Variants in UGT1A5 observed in about 807,000 individuals in gnomAD.
The protein encoded by UGT1A5 is UDP glucuronosyltransferase family 1 member A5.
A neutral mutation model predicts 40.3 loss-of-function variants in UGT1A5; 29 were observed. That is an observed-to-expected ratio of 0.72 (90% CI 0.54 to 0.98). The LOEUF is 0.98. Ranked by LOEUF, UGT1A5 falls within the 50% of genes least tolerant of loss-of-function variation. UGT1A5 has a pLI of 0.00. For missense variants in UGT1A5, 678 were observed against 677.9 expected (o/e 1.00, Z 0.00); for synonymous variants, 257 against 262.5 (o/e 0.98, Z 0.20).
chr2:233,757,129 T>C (rs1190338249), intron 1 of UGT1A5, among the ~76,000 whole-genome samples: 1 of 150,874 alleles, frequency 6.6e-6, no homozygotes, highest in Non-Finnish European at 1.5e-5. Context: ...AGAGGAGGAA[T>C]GAGCTTGGAC....
In UGT1A5 at chr2:233,754,904, A is replaced by C. The variant is rs113535606; in HGVS notation, c.868-12130A>C. On this transcript the variant is annotated intron_variant, in intron 1 of 4. Coordinates refer to ENST00000373414, the MANE Select transcript of UGT1A5 (RefSeq NM_019078.2). ...CCAGGGAGTTCCTCTGACCCCCCAA[A>C]ATATTCTCCAGCGGGTTTCCCAAGA... 1.2e-5 allele frequency: 16 copies of C among 1,351,372 alleles called. No homozygotes were observed. In the African/African-American group the frequency reaches 1.3e-4, roughly 11 times the overall value. The allele number at this position is 1,351,372 out of a possible 1,614,324, so 83.7% of individuals were successfully genotyped here. A position where few individuals can be genotyped will look rare whatever the true frequency, so the allele number is the denominator to read the frequency against.
rs556044106 is a variant in UGT1A5, at chr2:233,743,839, C to T, written c.868-23195C>T. ...TTTTGTCGGGGTGCCACTTGAGCGC[C>T]AGCTTGCGGTACGCCTTCTTGATGG... On this transcript the variant is annotated intron_variant, in intron 1 of 4. Coordinates refer to ENST00000373414, the MANE Select transcript of UGT1A5 (RefSeq NM_019078.2). 3 of 1,367,286 alleles carry T rather than the reference C, an allele frequency of 2.2e-6. No individual in the cohort carries two copies. In the South Asian group the frequency reaches 3.4e-5, roughly 16 times the overall value. 84.7% of individuals were successfully genotyped at this position (1,367,286 alleles called of 1,614,324 possible).
chr2:233,747,263 T>C (rs1693601928), intron 1 of UGT1A5: 3 of 1,599,140 alleles, frequency 1.9e-6, no homozygotes, highest in East Asian at 2.2e-5. Context: ...ACAGGAGTGC[T>C]ACTCCTTCTC....
At chr2:233,737,210 G>A (rs2078852956) in intron 1 of UGT1A5, among the ~76,000 whole-genome samples, 1 of 152,244 alleles carries the variant, frequency 6.6e-6, no homozygotes, top group South Asian at 2.1e-4. Context: ...GGTGGACTCT[G>A]TTCAGTTCCA....
intron 1 of UGT1A5, among the ~76,000 whole-genome samples, chr2:233,720,702 T>C (rs983825744): frequency 6.7e-6 from 1 of 150,354 alleles, no homozygotes; most frequent in African/African-American, 2.5e-5. Flanking sequence ...AAGGGAGCCA[T>C]CCTTTTTTTT....
chr2:233,723,731 T>A lies in UGT1A5; in HGVS notation c.867+9873T>A, dbSNP rs1266221554. ...CTTGAGATTAGGGATTGGTGATGAC[T>A]CTTAACGAGCATGCTGCCTTCAAGC... On this transcript the variant is annotated intron_variant, in intron 1 of 4. Coordinates refer to ENST00000373414, the MANE Select transcript of UGT1A5 (RefSeq NM_019078.2). Among the ~76,000 whole-genome samples, 3 of 78,960 alleles carry A rather than the reference T, an allele frequency of 3.8e-5. 1 individual carries two copies. The highest frequency in any genetic ancestry group is 6.7e-5 in the Non-Finnish European group (3 of 44,612). The allele number at this position is 78,960 out of a possible 152,430, so 51.8% of individuals were successfully genotyped here. A position where few individuals can be genotyped will look rare whatever the true frequency, so the allele number is the denominator to read the frequency against.
At chr2:233,760,220 G>A (rs1697349973) in intron 1 of UGT1A5, 6 of 1,593,686 alleles carry the variant, frequency 3.8e-6, no homozygotes, top group African/African-American at 1.4e-5. Flanking sequence ...TTGGTGTATC[G>A]ATTGGTTTTT....
intron 4 of UGT1A5, chr2:233,770,377 G>C (rs1211488828): frequency 6.6e-6 from 1 of 152,200 alleles, no homozygotes; most frequent in African/African-American, 2.4e-5. Flanking sequence ...GTTCTGGCCA[G>C]GTACGGTGGC....
intron 1 of UGT1A5, among the ~76,000 whole-genome samples, chr2:233,715,001 C>T (rs1309641293): frequency 6.6e-6 from 1 of 152,178 alleles, no homozygotes; most frequent in South Asian, 2.1e-4. Flanking sequence ...CTCAGCCTCC[C>T]AAGTAGCTGG....
chr2:233,755,676 G>A (rs1559401147), intron 1 of UGT1A5: 1 of 157,436 alleles, frequency 6.4e-6, no homozygotes, highest in Non-Finnish European at 1.4e-5. Context: ...TGGTGGGAGT[G>A]AGTTTAGTCT....
At chr2:233,719,653 G>T in intron 1 of UGT1A5, 1 of 1,614,078 alleles carries the variant, frequency 6.2e-7, no homozygotes, top group Non-Finnish European at 8.5e-7. Context: ...TTCATTGGGG[G>T]CATCAACTGT....
At chr2:233,721,050 TG>T (rs1173699301) in intron 1 of UGT1A5, among the ~76,000 whole-genome samples, 91 of 152,238 alleles carry the variant, frequency 6.0e-4, no homozygotes, top group Non-Finnish European at 3.1e-4. Context: ...AGCCCTTTTT[TG>T]TCATATTCAC....
At chr2:233,741,211 A>C (rs764528916) in intron 1 of UGT1A5, among the ~76,000 whole-genome samples, 2 of 151,912 alleles carry the variant, frequency 1.3e-5, no homozygotes, top group African/African-American at 4.9e-5. Context: ...AACTAGCCAG[A>C]GTTGTTACAG....
chr2:233,753,085 C>T (rs1365560580), intron 1 of UGT1A5: 1 of 152,188 alleles, frequency 6.6e-6, no homozygotes, highest in Non-Finnish European at 1.5e-5. Flanking sequence ...CCTTTTATTC[C>T]TGAACGGCTC....
chr2:233,747,372 A>G (rs1321135438), intron 1 of UGT1A5: 1 of 1,604,206 alleles, frequency 6.2e-7, no homozygotes, highest in African/African-American at 1.3e-5. Flanking sequence ...GCTCCATGCC[A>G]GAGGCCACCA....
intron 1 of UGT1A5, among the ~76,000 whole-genome samples, chr2:233,737,561 C>T (rs1436138407): frequency 1.3e-5 from 2 of 152,190 alleles, no homozygotes; most frequent in African/African-American, 4.8e-5. Flanking sequence ...CAGTGGGATG[C>T]ACCCACTATC....
intron 1 of UGT1A5, among the ~76,000 whole-genome samples, chr2:233,752,134 G>C (rs1265707864): frequency 6.6e-6 from 1 of 152,180 alleles, no homozygotes; most frequent in Non-Finnish European, 1.5e-5. Context: ...GGACAGAAAG[G>C]ATCATTCCCT....
chr2:233,713,651 G>A lies in UGT1A5; in HGVS notation c.660G>A (p.Leu220=), dbSNP rs1051554487. 1.2e-6 allele frequency: 2 copies of A among 1,613,832 alleles called. No homozygotes were observed. Among genetic ancestry groups the A allele is most frequent in the African/African-American group, 1.3e-5 (1 of 74,922 alleles). ...RVKNMLYPLA[L]SYLCHAVSAP... ...AGAACATGCTCTACCCTCTGGCCCT[G>A]TCCTACCTTTGCCATGCTGTTTCTG... Residue 220 remains leucine, a synonymous_variant, in exon 1 of 5, where the codon CTG becomes CTA. Coordinates refer to ENST00000373414, the MANE Select transcript of UGT1A5 (RefSeq NM_019078.2).
intron 1 of UGT1A5, among the ~76,000 whole-genome samples, chr2:233,758,056 A>C (rs1696785048): frequency 6.6e-6 from 1 of 152,062 alleles, no homozygotes; most frequent in Non-Finnish European, 1.5e-5. Context: ...GACCATTTCT[A>C]ACTTGACTTT....
Sources: allele counts gnomAD v4.1 joint callset (sites outside exome capture counted in the v4.1 genomes callset), GRCh38; gene constraint gnomAD v4.1.1; transcripts MANE v1.5; gene names NCBI Gene and HGNC (gene_info 2026-07-23, HGNC 2026-07-21).